EIPR1: variants seen among roughly 807,000 people sequenced by gnomAD.
EIPR1 encodes the protein EARP and GARP complex-interacting protein 1.
EIPR1 carries 25 observed loss-of-function variants against 48.1 expected under a neutral mutation model. The observed-to-expected ratio is 0.52, with a 90% CI of 0.38 to 0.73. The LOEUF (loss-of-function observed/expected upper bound fraction) is 0.73, where lower values mean the gene tolerates loss of function less well. EIPR1 is among the 30% of genes least tolerant of loss of function. The pLI, the probability that EIPR1 is intolerant of heterozygous loss-of-function variation, is 0.00. For synonymous variants in EIPR1, 204 were observed against 201.9 expected (o/e 1.01, Z -0.09); for missense variants, 415 against 506.2 (o/e 0.82, Z 1.73).
chr2:3,336,542 C>G (rs1165725710), intron 3 of EIPR1, among the ~76,000 whole-genome samples: 1 of 152,058 alleles, frequency 6.6e-6, no homozygotes, highest in African/African-American at 2.4e-5. Flanking sequence ...CCAAGGCAGG[C>G]GGATCACCTG....
intron 3 of EIPR1, among the ~76,000 whole-genome samples, chr2:3,276,503 C>CA (rs757961581): frequency 2.6e-4 from 39 of 152,218 alleles, no homozygotes; most frequent in Non-Finnish European, 4.1e-4. Flanking sequence ...GTCCAGCCAC[C>CA]ATGTTCTTTC....
intron 3 of EIPR1, among the ~76,000 whole-genome samples, chr2:3,267,862 A>G (rs1667539449): frequency 6.6e-6 from 1 of 152,246 alleles, no homozygotes; most frequent in African/African-American, 2.4e-5. Flanking sequence ...TGGCCCTTTA[A>G]GGAAGAAATC....
chr2:3,372,700 T>A (rs1659711228), intron 1 of EIPR1, among the ~76,000 whole-genome samples: 1 of 152,222 alleles, frequency 6.6e-6, no homozygotes, highest in Non-Finnish European at 1.5e-5. Context: ...AATCTCTGAA[T>A]AGACCAATAA....
chr2:3,370,799 G>C (rs1313390895), intron 1 of EIPR1, among the ~76,000 whole-genome samples: 3 of 152,222 alleles, frequency 2.0e-5, no homozygotes, highest in Non-Finnish European at 4.4e-5. Context: ...ATGGAACCAA[G>C]TTGGAAAACA....
intron 5 of EIPR1, chr2:3,208,788 C>G (rs140640009): frequency 0.016 from 25,314 of 1,549,870 alleles, 272 homozygotes; most frequent in Non-Finnish European, 0.019. Context: ...TTGAGTGAGG[C>G]TCGTGGCAGG....
intron 3 of EIPR1, among the ~76,000 whole-genome samples, chr2:3,263,265 G>C (rs573341927): frequency 5.9e-5 from 9 of 152,290 alleles, no homozygotes; most frequent in African/African-American, 1.7e-4. Context: ...ATACTCAAGG[G>C]CATGGCCAAC....
At chr2:3,318,765 A>C in intron 3 of EIPR1, 2 of 450,428 alleles carry the variant, frequency 4.4e-6, no homozygotes, top group Non-Finnish European at 9.4e-6. Context: ...CTGAAGCCAA[A>C]ATACATCTGG....
At chr2:3,310,739 T>C (rs1281269782) in intron 3 of EIPR1, among the ~76,000 whole-genome samples, 1 of 151,918 alleles carries the variant, frequency 6.6e-6, no homozygotes, top group African/African-American at 2.4e-5. Context: ...TATATTTATA[T>C]TTAACGCAAG....
At chr2:3,298,057 C>G (rs1002842215) in intron 3 of EIPR1, among the ~76,000 whole-genome samples, 1 of 152,206 alleles carries the variant, frequency 6.6e-6, no homozygotes, top group African/African-American at 2.4e-5. Flanking sequence ...AGGGGGTCAT[C>G]ACCAAAAGAT....
chr2:3,269,751 G>A (rs1244878778), intron 3 of EIPR1, among the ~76,000 whole-genome samples: 3 of 151,682 alleles, frequency 2.0e-5, no homozygotes, highest in Non-Finnish European at 2.9e-5. Context: ...CTCAGTCATT[G>A]CGTGGAAATC....
chr2:3,369,081 G>C (rs544756453), intron 1 of EIPR1, among the ~76,000 whole-genome samples: 2 of 152,284 alleles, frequency 1.3e-5, no homozygotes, highest in African/African-American at 4.8e-5. Context: ...TGCAATGATG[G>C]TTCTTCAAAC....
intron 3 of EIPR1, among the ~76,000 whole-genome samples, chr2:3,317,559 C>G (rs867272932): frequency 1.3e-5 from 2 of 152,178 alleles, no homozygotes; most frequent in African/African-American, 2.4e-5. Flanking sequence ...CTGTGAGGGT[C>G]GAGTCTAGAT....
At chr2:3,259,622 G>A (rs1254744007) in intron 3 of EIPR1, among the ~76,000 whole-genome samples, 1 of 150,216 alleles carries the variant, frequency 6.7e-6, no homozygotes, top group Non-Finnish European at 1.5e-5. Flanking sequence ...ATATAGATAA[G>A]AGAATCTACA....
intron 1 of EIPR1, among the ~76,000 whole-genome samples, chr2:3,369,492 G>A (rs994902747): frequency 6.6e-6 from 1 of 152,208 alleles, no homozygotes; most frequent in African/African-American, 2.4e-5. Context: ...CAAGGAAAGG[G>A]GTGACAGACA....
At chr2:3,293,998 C>G (rs956604383) in intron 3 of EIPR1, among the ~76,000 whole-genome samples, 3 of 152,124 alleles carry the variant, frequency 2.0e-5, no homozygotes, top group African/African-American at 7.2e-5. Context: ...TGAACCTAAA[C>G]AATTCTTTGA....
In EIPR1 at chr2:3,246,772, GGAGA is replaced by G. The variant is rs1227285186; in HGVS notation, c.416+10523_416+10526del. Reference sequence around the variant, plus strand: ...GAGAGGAAGAGAGGGAGGAAGGGAGGGAGAAAGGGAGAAACGGAGGGAGGGAGGG... The same window carrying G: ...GAGAGGAAGAGAGGGAGGAAGGGAGGAAGGGAGAAACGGAGGGAGGGAGGG... On this transcript the variant is annotated intron_variant, in intron 4 of 8. Coordinates refer to ENST00000382125, the MANE Select transcript of EIPR1 (RefSeq NM_003310.5). Among the ~76,000 whole-genome samples, 3 of 141,716 alleles carry G rather than the reference GGAGA, an allele frequency of 2.1e-5. No individual in the cohort carries two copies. The East Asian group carries it at 6.7e-4, about 32-fold the overall frequency. 93.0% of individuals were successfully genotyped at this position (141,716 alleles called of 152,430 possible). A position where few individuals can be genotyped will look rare whatever the true frequency, so the allele number is the denominator to read the frequency against.
At chr2:3,210,090 G>A (rs1478371784) in intron 5 of EIPR1, among the ~76,000 whole-genome samples, 1 of 152,048 alleles carries the variant, frequency 6.6e-6, no homozygotes, top group Non-Finnish European at 1.5e-5. Context: ...ACGCCAGCAG[G>A]GGATATGCTG....
rs1665430539 is a variant in EIPR1, at chr2:3,210,984, TG to T, written c.516+3164del. On this transcript the variant is annotated intron_variant, in intron 5 of 8. Transcript: ENST00000382125. ...GAACATGCATAGTTTCGGTGGAGGA[TG>T]GGAGGAGACAGGACTGTAAACTCCC... 3.9e-5 allele frequency among the ~76,000 whole-genome samples: 6 copies of T among 152,200 alleles called. No homozygotes were observed. The South Asian group carries it at 1.2e-3, about 32-fold the overall frequency.
In EIPR1 at chr2:3,249,111, C is replaced by T. The variant is rs375645845; in HGVS notation, c.416+8188G>A. ...AGCAGCTTTGAGACTGGGTAACGAG[C>T]GGAGGTTGAAGGAATTTGGAGGGCT... On this transcript the variant is annotated intron_variant, in intron 4 of 8. Transcript: ENST00000382125. 3.9e-4 allele frequency among the ~76,000 whole-genome samples: 59 copies of T among 152,104 alleles called. 2 individuals are homozygous for T. In the South Asian group the frequency reaches 0.011, roughly 29 times the overall value.
Sources: allele counts gnomAD v4.1 joint callset (sites outside exome capture counted in the v4.1 genomes callset), GRCh38; gene constraint gnomAD v4.1.1; transcripts MANE v1.5; gene names NCBI Gene and HGNC (gene_info 2026-07-23, HGNC 2026-07-21).